Variants in ANKRD28 observed in about 807,000 individuals in gnomAD.
ANKRD28 encodes the protein ankyrin repeat domain 28, also known as serine/threonine-protein phosphatase 6 regulatory ankyrin repeat subunit A.
A neutral mutation model predicts 126.5 loss-of-function variants in ANKRD28; 44 were observed. The ratio of observed to expected loss-of-function variants is 0.35; its 90% CI spans 0.27 to 0.45. The LOEUF is 0.45. Ranked by LOEUF, ANKRD28 falls within the 20% of genes least tolerant of loss-of-function variation. ANKRD28 has a pLI of 1.00. For missense variants in ANKRD28, 1,110 were observed against 1,316.6 expected, an observed-to-expected ratio of 0.84 and a Z score of 2.43; for synonymous variants, 442 against 468.5, an observed-to-expected ratio of 0.94 and a Z score of 0.73.
At position 15,814,349 on chromosome 3, in the gene ANKRD28, A is replaced by C; in HGVS notation, c.28-19043T>G. 8.8e-7 allele frequency: 1 copy of C among 1,140,356 alleles called. No homozygotes were observed. The highest frequency in any genetic ancestry group is 1.1e-6 in the Non-Finnish European group (1 of 873,350). 70.6% of individuals were successfully genotyped at this position (1,140,356 alleles called of 1,614,324 possible). ...AGATATCAAAAGAAAGAATACGCTG[A>C]TCCTAGAAATTAAGGGCTATGTTAT... is the stretch of plus-strand genomic sequence containing the variant. On this transcript the variant is annotated intron_variant, in intron 1 of 27. Transcript: ENST00000399451. This position sits in a 1 kb window ranked among gnomAD's most constrained non-coding sequence, Gnocchi z 4.7.
At chr3:15,823,356 T>C (rs935338631) in intron 1 of ANKRD28, among the ~76,000 whole-genome samples, 2 of 152,214 alleles carry the variant, frequency 1.3e-5, no homozygotes, top group Admixed American at 1.3e-4. Flanking sequence ...GGACCATCTG[T>C]GGCCTGGCAG....
In ANKRD28 at chr3:15,724,518, A is replaced by T; in HGVS notation, c.647T>A (p.Ile216Asn). The T allele has an allele frequency of 3.2e-6, 5 of 1,575,174 alleles. No individual in the cohort carries two copies. The highest frequency in any genetic ancestry group is 4.3e-6 in the Non-Finnish European group (5 of 1,159,472). Residue 216 changes from isoleucine to asparagine, a missense_variant, in exon 7 of 28, where the codon ATT (isoleucine) becomes AAT (asparagine). Coordinates refer to ENST00000683139, the MANE Select transcript of ANKRD28 (RefSeq NM_001349278.2). ...AIHWAAYMGHIEVVKLLVSHG... is the reference protein window; with the variant it reads ...AIHWAAYMGHNEVVKLLVSHG... ...CGACACAAGCAATTTCACTACTTCAATGTGACCTAAAAATGTGTTTTTGAA... is the reference window on the plus strand; with the variant it reads ...CGACACAAGCAATTTCACTACTTCATTGTGACCTAAAAATGTGTTTTTGAA...
chr3:15,771,571 T>A (rs748394828), intron 2 of ANKRD28, among the ~76,000 whole-genome samples: 26 of 152,120 alleles, frequency 1.7e-4, no homozygotes, highest in Non-Finnish European at 1.5e-5. Flanking sequence ...AACAACCAGC[T>A]GTTGCATGAA....
At chr3:15,837,292 T>C (rs1048204153) in intron 1 of ANKRD28, among the ~76,000 whole-genome samples, 3 of 152,106 alleles carry the variant, frequency 2.0e-5, no homozygotes, top group Non-Finnish European at 4.4e-5. Flanking sequence ...AACAACACTA[T>C]AAATTTGACC....
intron 17 of ANKRD28, 51 bp downstream of exon 17, chr3:15,694,688 T>C (rs2069281255): frequency 6.7e-7 from 1 of 1,498,964 alleles, no homozygotes; most frequent in South Asian, 1.1e-5. Context: ...GGTTATTAGA[T>C]ATTTTCAGTA....
At position 15,721,132 on chromosome 3, in the gene ANKRD28, TAGA is replaced by T; in HGVS notation, c.784-8_784-6del. 6.3e-7 allele frequency: 1 copy of T among 1,599,080 alleles called. No homozygotes were observed. Among genetic ancestry groups the T allele is most frequent in the Non-Finnish European group, 8.5e-7 (1 of 1,173,412 alleles). ...ATAGGCATTTGGTTCATTCATCTAT[TAGA>T]AGGGAAAAAAATGCGAATGTTAAAG... On this transcript the variant is annotated splice_region_variant and splice_polypyrimidine_tract_variant and intron_variant, in intron 7 of 27. Coordinates refer to ENST00000683139, the MANE Select transcript of ANKRD28 (RefSeq NM_001349278.2).
In ANKRD28 at chr3:15,677,335, A is replaced by G. The variant is rs1432626724; in HGVS notation, c.2790+145T>C. 1.2e-5 allele frequency: 8 copies of G among 640,268 alleles called. No homozygotes were observed. The East Asian group carries it at 1.7e-4, about 13-fold the overall frequency. The allele number at this position is 640,268 out of a possible 1,614,324, so 39.7% of individuals were successfully genotyped here. On this transcript the variant is annotated intron_variant, in intron 25 of 27. Coordinates refer to ENST00000683139, the MANE Select transcript of ANKRD28 (RefSeq NM_001349278.2). ...AGACTTTGATACGCCATGGTGCCTT[A>G]TAAGTCAATTTTGTTCAAGAAATCT...
At position 15,702,192 on chromosome 3, in the gene ANKRD28, G is replaced by A. The variant is rs143869939; in HGVS notation, c.1547+5732C>T. Among the ~76,000 whole-genome samples the A allele has an allele frequency of 2.0e-5, 3 of 152,246 alleles. No homozygotes were observed. The East Asian group carries it at 5.8e-4, about 29-fold the overall frequency. On this transcript the variant is annotated intron_variant, in intron 14 of 27. Transcript: ENST00000683139. ...TTTGGCTAGAATATGGCAAACCAAG[G>A]ACTAAACCACCTCAGGTCTTCCCTT...
chr3:15,741,697 C>CTTTTTTTTTTTT (rs58655271), intron 4 of ANKRD28, among the ~76,000 whole-genome samples: 21 of 33,658 alleles, frequency 6.2e-4, no homozygotes, highest in East Asian at 1.4e-3. Flanking sequence ...TGGTTCTATC[C>CTTTTTTTTTTTT]TTTTTTTTTT....
chr3:15,677,579 C>T lies in ANKRD28; in HGVS notation c.2708-17G>A. 2 of 1,569,570 alleles carry T rather than the reference C, an allele frequency of 1.3e-6. No homozygotes were observed. The highest frequency in any genetic ancestry group is 1.1e-5 in the South Asian group (1 of 89,522). On this transcript the variant is annotated splice_polypyrimidine_tract_variant and intron_variant, in intron 24 of 27. Coordinates refer to ENST00000683139, the MANE Select transcript of ANKRD28 (RefSeq NM_001349278.2). Reference sequence around the variant, plus strand: ...CCAGCATCTCTGGGAGGAAAAAGTGCATCAATTCTTATGTTTATGAACATG... The same window carrying T: ...CCAGCATCTCTGGGAGGAAAAAGTGTATCAATTCTTATGTTTATGAACATG...
chr3:15,696,021 A>G, intron 15 of ANKRD28, 113 bp downstream of exon 15: 1 of 746,294 alleles, frequency 1.3e-6, no homozygotes, highest in East Asian at 2.7e-5. Context: ...TAAATTCTGA[A>G]AATGTTAAAA....
At chr3:15,802,608 T>G (rs2060486088), upstream of ANKRD28, among the ~76,000 whole-genome samples, 1 of 152,214 alleles carries the variant, frequency 6.6e-6, no homozygotes, top group East Asian at 1.9e-4. Flanking sequence ...TGTAACATAT[T>G]GTACTAGAAA....
Position 15,712,557 on chromosome 3 carries a change from C to T in ANKRD28, c.1191-335G>A, listed in dbSNP as rs79029328. Among the ~76,000 whole-genome samples the T allele has an allele frequency of 2.6e-5, 4 of 152,294 alleles. No individual in the cohort carries two copies. In the East Asian group the frequency reaches 7.7e-4, roughly 29 times the overall value. Reference sequence around the variant, plus strand: ...TGTCATTAACATTAACACCTTCCTCCCCAAATTGTGACAACCAAAAATGTA... The same window carrying T: ...TGTCATTAACATTAACACCTTCCTCTCCAAATTGTGACAACCAAAAATGTA... On this transcript the variant is annotated intron_variant, in intron 10 of 27. Transcript: ENST00000683139.
chr3:15,685,095 A>T, intron 21 of ANKRD28, 131 bp downstream of exon 21: 1 of 830,934 alleles, frequency 1.2e-6, no homozygotes, highest in Non-Finnish European at 1.9e-6. Flanking sequence ...TATTATTAGT[A>T]CGTGAGCCTA....
chr3:15,670,594 G>A (rs1420155954), intron 27 of ANKRD28, 38 bp from the exon 28 acceptor site: 1 of 1,578,960 alleles, frequency 6.3e-7, no homozygotes, highest in Non-Finnish European at 8.6e-7. Context: ...TAAGCATCCT[G>A]AGATGTATTT....
chr3:15,706,316 C>T (rs1449311184), intron 14 of ANKRD28, among the ~76,000 whole-genome samples: 3 of 151,940 alleles, frequency 2.0e-5, no homozygotes, highest in African/African-American at 4.8e-5. Flanking sequence ...GTTCAATTCT[C>T]ACCTATGAGT....
At chr3:15,678,398 T>C in intron 23 of ANKRD28, 44 bp from the exon 24 acceptor site, 2 of 1,534,560 alleles carry the variant, frequency 1.3e-6, no homozygotes, top group Non-Finnish European at 1.8e-6. Flanking sequence ...ATTTGAATGT[T>C]ATATATGCTG....
chr3:15,826,473 T>G (rs980945505), intron 1 of ANKRD28, among the ~76,000 whole-genome samples: 3 of 152,196 alleles, frequency 2.0e-5, no homozygotes, highest in African/African-American at 7.2e-5. Flanking sequence ...TGTTTATGGA[T>G]ATGTAAACAC....
chr3:15,837,131 G>A (rs867995551), intron 1 of ANKRD28, among the ~76,000 whole-genome samples: 5 of 149,858 alleles, frequency 3.3e-5, no homozygotes, highest in Non-Finnish European at 5.9e-5. Context: ...AAAACCATAC[G>A]GAGCTAACAA....
Sources: allele counts gnomAD v4.1 joint callset (sites outside exome capture counted in the v4.1 genomes callset), GRCh38; gene constraint gnomAD v4.1.1; non-coding constraint Gnocchi (gnomAD v3.1); transcripts MANE v1.5; gene names NCBI Gene and HGNC (gene_info 2026-07-23, HGNC 2026-07-21).